Variants in ATG7 observed in about 807,000 individuals in gnomAD.
The protein encoded by ATG7 is autophagy related 7.
A neutral mutation model predicts 82.4 loss-of-function variants in ATG7; 70 were observed. That is an observed-to-expected ratio of 0.85 (90% confidence interval 0.70 to 1.04). The LOEUF (loss-of-function observed/expected upper bound fraction) is 1.04. Ranked by LOEUF, ATG7 falls within the 50% of genes least tolerant of loss-of-function variation. The pLI is 0.00. For missense variants in ATG7, 792 were observed against 864.3 expected (o/e 0.92, Z 1.05); for synonymous variants, 287 against 313.0 (o/e 0.92, Z 0.88).
At chr3:11,450,736 G>A (rs1048549204) in intron 20 of ATG7, among the ~76,000 whole-genome samples, 4 of 152,170 alleles carry the variant, frequency 2.6e-5, no homozygotes, top group African/African-American at 9.7e-5. Flanking sequence ...CTGCACATGG[G>A]CCCTGCTACC....
chr3:11,464,898 G>A (rs187358528), intron 20 of ATG7, among the ~76,000 whole-genome samples: 1 of 152,246 alleles, frequency 6.6e-6, no homozygotes, highest in East Asian at 1.9e-4. Flanking sequence ...TTTGGGTACT[G>A]TTAGGATTAA....
Position 11,354,753 on chromosome 3 carries a change from A to G in ATG7, c.1285-3665A>G, listed in dbSNP as rs190898604. 1.4e-3 allele frequency among the ~76,000 whole-genome samples: 212 copies of G among 152,024 alleles called. 2 individuals carry two copies. Among genetic ancestry groups the G allele is most frequent in the African/African-American group, 4.9e-3 (204 of 41,532 alleles). On this transcript the variant is annotated intron_variant, in intron 14 of 20. Coordinates refer to ENST00000693202, the MANE Select transcript of ATG7 (RefSeq NM_001349232.2). ...CTGCTTCAACCCTAATGAGTAGTGG[A>G]TACTGGACTAGCTCTGCCACCATAA...
chr3:11,343,202 T>C (rs1033527321), intron 13 of ATG7, among the ~76,000 whole-genome samples: 1 of 152,222 alleles, frequency 6.6e-6, no homozygotes, highest in Non-Finnish European at 1.5e-5. Context: ...GTGCTGGGTT[T>C]ACAGGTGTGA....
chr3:11,430,698 A>G (rs2082794771), intron 20 of ATG7, among the ~76,000 whole-genome samples: 1 of 152,236 alleles, frequency 6.6e-6, no homozygotes, highest in African/African-American at 2.4e-5. Flanking sequence ...CTGACCCTCA[A>G]GGGCTCATAG....
chr3:11,546,647 T>G (rs1198834737), intron 20 of ATG7, among the ~76,000 whole-genome samples: 1 of 152,230 alleles, frequency 6.6e-6, no homozygotes, highest in Non-Finnish European at 1.5e-5. Flanking sequence ...TGATGAGGGC[T>G]CCTTTCAAAC....
Position 11,370,519 on chromosome 3 carries a change from G to A in ATG7, c.1875+5785G>A, listed in dbSNP as rs535249251. Among the ~76,000 whole-genome samples, 45 of 151,200 alleles carry A rather than the reference G, an allele frequency of 3.0e-4. 3 individuals are homozygous for A. The highest frequency in any genetic ancestry group is 1.3e-3 in the Admixed American group (20 of 15,142). On this transcript the variant is annotated intron_variant, in intron 18 of 20. Coordinates refer to ENST00000693202, the MANE Select transcript of ATG7 (RefSeq NM_001349232.2). The stretch of plus-strand genomic sequence containing the variant: ...GTTTGGAGTTAGTTTTTATTTATGC[G>A]AACTCCAAGCTTTAGAAATATTGCC...
intron 20 of ATG7, among the ~76,000 whole-genome samples, chr3:11,482,979 A>G (rs185991703): frequency 5.2e-4 from 79 of 152,068 alleles, no homozygotes; most frequent in African/African-American, 1.7e-3. Flanking sequence ...AATGATAACT[A>G]CAATTCTGAC....
At chr3:11,357,739 G>GGTT (rs1160667077) in intron 14 of ATG7, among the ~76,000 whole-genome samples, 7 of 152,060 alleles carry the variant, frequency 4.6e-5, no homozygotes, top group Admixed American at 2.0e-4. Context: ...GGCAGGGTAC[G>GGTT]GTGGCTCATG....
intron 20 of ATG7, among the ~76,000 whole-genome samples, chr3:11,536,466 C>G (rs2070306561): frequency 6.6e-6 from 1 of 152,208 alleles, no homozygotes; most frequent in African/African-American, 2.4e-5. Context: ...TGTCCTGGGA[C>G]AGAGCCTGGA....
chr3:11,510,195 C>G (rs1405696191), intron 20 of ATG7: 2 of 456,606 alleles, frequency 4.4e-6, no homozygotes, highest in East Asian at 7.0e-5. Context: ...GATCATCTTT[C>G]TTTCATCCGG....
intron 18 of ATG7, among the ~76,000 whole-genome samples, chr3:11,374,154 G>A (rs983255146): frequency 6.6e-6 from 1 of 152,132 alleles, no homozygotes; most frequent in Admixed American, 6.5e-5. Flanking sequence ...TACCCAAAAC[G>A]ATCCTGGACG....
intron 1 of ATG7, among the ~76,000 whole-genome samples, chr3:11,280,094 T>C (rs1942762429): frequency 6.6e-6 from 1 of 151,992 alleles, no homozygotes; most frequent in Admixed American, 6.6e-5. Flanking sequence ...TCACCCAGGC[T>C]GGAGTGCAGT....
the ATG7 span, among the ~76,000 whole-genome samples, chr3:11,572,817 T>C: frequency 1.7e-3 from 254 of 152,316 alleles, no homozygotes; most frequent in Non-Finnish European, 3.1e-3. Flanking sequence ...CCACTGCATA[T>C]GTACCCGTTC....
chr3:11,344,338 G>T (rs1278514029), intron 13 of ATG7, among the ~76,000 whole-genome samples: 1 of 152,132 alleles, frequency 6.6e-6, no homozygotes, highest in Admixed American at 6.5e-5. Flanking sequence ...TAATGAGAGT[G>T]CCTCTTGTTT....
At chr3:11,457,427 G>A (rs997452892) in intron 20 of ATG7, among the ~76,000 whole-genome samples, 9 of 152,068 alleles carry the variant, frequency 5.9e-5, no homozygotes, top group Non-Finnish European at 1.2e-4. Context: ...ATCTGAAATG[G>A]GAATTTCAAG....
intron 18 of ATG7, among the ~76,000 whole-genome samples, chr3:11,370,120 A>C (rs780733774): frequency 2.6e-5 from 4 of 151,272 alleles, no homozygotes; most frequent in Non-Finnish European, 5.9e-5. Context: ...TTCTGGGCAC[A>C]TAAGAGACCC....
At chr3:11,529,229 G>C (rs1476931683) in intron 20 of ATG7, among the ~76,000 whole-genome samples, 1 of 152,100 alleles carries the variant, frequency 6.6e-6, no homozygotes, top group African/African-American at 2.4e-5. Flanking sequence ...AGTTTGCTTT[G>C]TTTTTTAAGA....
chr3:11,482,741 T>C (rs1025894951), intron 20 of ATG7, among the ~76,000 whole-genome samples: 27 of 152,136 alleles, frequency 1.8e-4, no homozygotes, highest in African/African-American at 6.3e-4. Context: ...GGATATCTAG[T>C]GCCAGGCTAC....
intron 14 of ATG7, 58 bp from the exon 15 acceptor site, chr3:11,358,360 T>C: frequency 6.6e-7 from 1 of 1,524,148 alleles, no homozygotes; most frequent in Non-Finnish European, 8.9e-7. Context: ...AAGTGTGGGC[T>C]CTGAGATATT....
Sources: gnomAD v4.1 joint callset for allele counts (sites outside exome capture counted in the v4.1 genomes callset) on GRCh38, gnomAD v4.1.1 for gene constraint, MANE v1.5 for transcripts, NCBI Gene and HGNC (gene_info 2026-07-23, HGNC 2026-07-21) for gene names.